PTPDC1: variants seen among roughly 807,000 people sequenced by gnomAD.
The protein encoded by PTPDC1 is protein tyrosine phosphatase domain-containing protein 1.
PTPDC1 carries 53 observed loss-of-function variants against 75.3 expected under a neutral mutation model. The ratio of observed to expected loss-of-function variants is 0.70; its 90% CI spans 0.56 to 0.88. PTPDC1 has a LOEUF of 0.88. Ranked by LOEUF, PTPDC1 falls within the 40% of genes least tolerant of loss-of-function variation. The pLI is 0.00. For missense variants in PTPDC1, 925 were observed against 998.6 expected (o/e 0.93, Z 0.99); for synonymous variants, 349 against 366.2 (o/e 0.95, Z 0.54).
At chr9:94,066,590 C>T (rs1055966251) in intron 2 of PTPDC1, among the ~76,000 whole-genome samples, 4 of 152,098 alleles carry the variant, frequency 2.6e-5, no homozygotes, top group Admixed American at 2.0e-4. Flanking sequence ...TGGCGTCTCA[C>T]TCTGTTGCCT....
chr9:94,030,838 G>C (rs1395304675), exon 1 of PTPDC1: 1 of 152,224 alleles, frequency 6.6e-6, no homozygotes, highest in Non-Finnish European at 1.5e-5. Context: ...GCCTCAGCAG[G>C]GGCGCCCCGC....
intron 5 of PTPDC1, among the ~76,000 whole-genome samples, chr9:94,095,700 G>A (rs1460354551): frequency 6.6e-6 from 1 of 152,054 alleles, no homozygotes; most frequent in Admixed American, 6.5e-5. Flanking sequence ...AAATGTTGAA[G>A]ATTATGCGTA....
intron 2 of PTPDC1, among the ~76,000 whole-genome samples, chr9:94,065,006 C>T (rs1826258947): frequency 6.6e-6 from 1 of 152,214 alleles, no homozygotes; most frequent in African/African-American, 2.4e-5. Context: ...GAATAATGGC[C>T]TTGGCCTTTT....
chr9:94,088,119 T>C, intron 3 of PTPDC1, 26 bp from the exon 4 acceptor site: 1 of 1,608,378 alleles, frequency 6.2e-7, no homozygotes, highest in Non-Finnish European at 8.5e-7. Flanking sequence ...GCTCCCAATA[T>C]GACTGACTGC....
upstream of PTPDC1, among the ~76,000 whole-genome samples, chr9:94,082,217 G>C (rs1026292877): frequency 1.3e-5 from 2 of 152,242 alleles, no homozygotes; most frequent in Non-Finnish European, 2.9e-5. Context: ...CACGAGGCTG[G>C]AAATTCAGCT....
intron 1 of PTPDC1, among the ~76,000 whole-genome samples, chr9:94,034,126 A>C (rs186685821): frequency 6.6e-6 from 1 of 152,258 alleles, no homozygotes; most frequent in Non-Finnish European, 1.5e-5. Context: ...TGAATTTAAC[A>C]TGGTAAGAAA....
At chr9:94,088,932 T>C (rs934712625) in intron 4 of PTPDC1, among the ~76,000 whole-genome samples, 4 of 152,214 alleles carry the variant, frequency 2.6e-5, no homozygotes, top group Non-Finnish European at 4.4e-5. Flanking sequence ...AACAAGAATG[T>C]ATGCTTTCTC....
chr9:94,041,613 T>C (rs982156031), intron 1 of PTPDC1, among the ~76,000 whole-genome samples: 24 of 152,352 alleles, frequency 1.6e-4, no homozygotes, highest in African/African-American at 5.3e-4. Context: ...TGGCCAGTTT[T>C]AACTTAATAC....
chr9:94,105,602 A>T (rs1304210583), intron 8 of PTPDC1, among the ~76,000 whole-genome samples: 1 of 146,672 alleles, frequency 6.8e-6, no homozygotes, highest in Admixed American at 7.0e-5. Context: ...CGGGAGGTGG[A>T]GGTTGCAGTG....
intron 5 of PTPDC1, 25 bp from the exon 6 acceptor site, chr9:94,097,296 C>T (rs775805583): frequency 6.9e-7 from 1 of 1,441,994 alleles, no homozygotes; most frequent in East Asian, 2.3e-5. Flanking sequence ...TTTCTCATAC[C>T]AGTCTTCTCT....
At chr9:94,088,092 AT>A (rs1587890178) in intron 3 of PTPDC1, 52 bp from the exon 4 acceptor site, 20 of 1,581,962 alleles carry the variant, frequency 1.3e-5, no homozygotes, top group Middle Eastern at 3.9e-4. Context: ...AAAATGGTTA[AT>A]TTTTTTTAAA....
intron 1 of PTPDC1, among the ~76,000 whole-genome samples, chr9:94,058,736 C>G (rs1160275468): frequency 6.6e-6 from 1 of 151,220 alleles, no homozygotes; most frequent in East Asian, 1.9e-4. Flanking sequence ...ATTAAAAACC[C>G]CGGACATTTT....
At chr9:94,088,090 T>C in intron 3 of PTPDC1, 55 bp from the exon 4 acceptor site, 1 of 1,582,062 alleles carries the variant, frequency 6.3e-7, no homozygotes, top group Admixed American at 1.9e-5. Flanking sequence ...CAAAAATGGT[T>C]AATTTTTTTT....
Position 94,097,506 on chromosome 9 carries a change from G to A in PTPDC1, c.940G>A (p.Ala314Thr), listed in dbSNP as rs896298362. 7 of 1,614,070 alleles carry A rather than the reference G, an allele frequency of 4.3e-6. No individual in the cohort carries two copies. The highest frequency in any genetic ancestry group is 1.3e-5 in the African/African-American group (1 of 74,946). ...CTCTTGCTGTGATCCCAAAGCACATGCTGTCACCTTACCTCAATATCTAAT... is the reference window on the plus strand; with the variant it reads ...CTCTTGCTGTGATCCCAAAGCACATACTGTCACCTTACCTCAATATCTAAT... ...IFSCCDPKAH[A>T]VTLPQYLIRQ... The change falls in exon 6 of 9, where the codon GCT (alanine) becomes ACT (threonine). Residue 314 changes from alanine (A) to threonine (T), a missense_variant. Coordinates refer to ENST00000620992, the MANE Select transcript of PTPDC1 (RefSeq NM_001253829.2).
In PTPDC1 at chr9:94,101,720, A is replaced by G. The variant is rs746895073; in HGVS notation, c.2168A>G (p.Asp723Gly). The change falls in exon 7 of 9, where the codon GAT (aspartate) becomes GGT (glycine). Residue 723 changes from aspartate (D) to glycine (G), a missense_variant. Coordinates refer to ENST00000620992, the MANE Select transcript of PTPDC1 (RefSeq NM_001253829.2). ...DVDMLVDRRA[D>G]AAEALFLLEK... ...GACATGTTGGTTGACAGGCGAGCAGATGCCGCAGAAGCACTTTTTTTATTA... is the reference window on the plus strand; with the variant it reads ...GACATGTTGGTTGACAGGCGAGCAGGTGCCGCAGAAGCACTTTTTTTATTA... 1 of 1,611,870 alleles carries G rather than the reference A, an allele frequency of 6.2e-7. No individual in the cohort carries two copies. The highest frequency in any genetic ancestry group is 2.2e-5 in the East Asian group (1 of 44,776).
chr9:94,074,718 G>T (rs1826626903), intron 2 of PTPDC1, among the ~76,000 whole-genome samples: 1 of 152,118 alleles, frequency 6.6e-6, no homozygotes, highest in African/African-American at 2.4e-5. Context: ...GAGTGTGGAG[G>T]CTCAGCTCCC....
At chr9:94,036,019 ATTTGTTTTTTTT>A (rs1399339593) in intron 1 of PTPDC1, among the ~76,000 whole-genome samples, 22 of 74,036 alleles carry the variant, frequency 3.0e-4, no homozygotes, top group African/African-American at 4.7e-4. Context: ...TAATCGGATT[ATTTGTTTTTTTT>A]TTTGTTTTTT....
chr9:94,098,149 T>C lies in PTPDC1; in HGVS notation c.1583T>C (p.Ile528Thr). Residue 528 changes from isoleucine to threonine, a missense_variant, in exon 6 of 9, where the codon ATT becomes ACT. Ile to Thr is a moderately conservative substitution (Grantham distance 89, BLOSUM62 -1). Transcript: ENST00000620992. ...LEGLKDNGSPIFHGRIIPKEA... is the reference protein window; with the variant it reads ...LEGLKDNGSPTFHGRIIPKEA... Reference sequence around the variant, plus strand: ...GGACTCAAAGATAATGGGTCACCAATTTTCCATGGAAGGATCATTCCAAAG... The same window carrying C: ...GGACTCAAAGATAATGGGTCACCAACTTTCCATGGAAGGATCATTCCAAAG... 1.2e-6 allele frequency: 2 copies of C among 1,614,202 alleles called. No homozygotes were observed. Among genetic ancestry groups the C allele is most frequent in the Non-Finnish European group, 1.7e-6 (2 of 1,180,032 alleles).
At chr9:94,087,495 G>A (rs1827118380) in intron 2 of PTPDC1, among the ~76,000 whole-genome samples, 2 of 152,000 alleles carry the variant, frequency 1.3e-5, no homozygotes, top group South Asian at 4.2e-4. Context: ...AGATAAATAA[G>A]AATAAATATT....
Sources: gnomAD v4.1 joint callset for allele counts (sites outside exome capture counted in the v4.1 genomes callset) on GRCh38, gnomAD v4.1.1 for gene constraint, MANE v1.5 for transcripts, NCBI Gene and HGNC (gene_info 2026-07-23, HGNC 2026-07-21) for gene names.